The following DOCK5 variants were observed in gnomAD, a reference collection of about 807,000 sequenced individuals.
DOCK5 encodes dedicator of cytokinesis protein 5.
DOCK5 carries 142 observed loss-of-function variants against 251.8 expected under a neutral mutation model. That is an observed-to-expected ratio of 0.56 (90% confidence interval 0.49 to 0.65). The LOEUF (loss-of-function observed/expected upper bound fraction) is 0.65. DOCK5 is among the 30% of genes least tolerant of loss of function. The pLI is 0.00. For synonymous variants in DOCK5, 842 were observed against 835.5 expected (o/e 1.01, Z -0.13); for missense variants, 2,111 against 2,312.3 (o/e 0.91, Z 1.79).
chr8:25,243,274 A>G (rs889843904), intron 1 of DOCK5, among the ~76,000 whole-genome samples: 1 of 151,630 alleles, frequency 6.6e-6, no homozygotes, highest in South Asian at 2.1e-4. Context: ...GGCAATTCAC[A>G]TGAAATTATT....
At chr8:25,290,763 C>G (rs1229017109) in intron 5 of DOCK5, among the ~76,000 whole-genome samples, 1 of 152,202 alleles carries the variant, frequency 6.6e-6, no homozygotes, top group Non-Finnish European at 1.5e-5. Context: ...GGCCTACCAG[C>G]TAAGCAGGGA....
chr8:25,312,149 A>G (rs1805114877), intron 13 of DOCK5, among the ~76,000 whole-genome samples: 1 of 152,162 alleles, frequency 6.6e-6, no homozygotes, highest in Non-Finnish European at 1.5e-5. Context: ...TCCATTACAT[A>G]GCTATTTTAC....
intron 2 of DOCK5, among the ~76,000 whole-genome samples, chr8:25,251,490 A>T (rs1803267079): frequency 6.6e-6 from 1 of 152,184 alleles, no homozygotes; most frequent in Non-Finnish European, 1.5e-5. Flanking sequence ...TAGTTTTTGA[A>T]TGCACTTTAA....
chr8:25,198,159 G>A (rs914255838), intron 1 of DOCK5, among the ~76,000 whole-genome samples: 2 of 152,172 alleles, frequency 1.3e-5, no homozygotes, highest in East Asian at 3.9e-4. Flanking sequence ...GCACCCTCCT[G>A]ATGGGTTTGT....
chr8:25,270,183 T>C (rs1563332388), intron 3 of DOCK5, among the ~76,000 whole-genome samples: 1 of 152,228 alleles, frequency 6.6e-6, no homozygotes, highest in Admixed American at 6.5e-5. Context: ...GAATGAATTT[T>C]TCTACCCACA....
At chr8:25,202,242 T>C (rs1236899631) in intron 1 of DOCK5, among the ~76,000 whole-genome samples, 1 of 152,144 alleles carries the variant, frequency 6.6e-6, no homozygotes, top group Non-Finnish European at 1.5e-5. Flanking sequence ...GGTCTCGAAC[T>C]CCTGTCCTCA....
rs1803373686 is a variant in DOCK5 at position 25,254,799 on chromosome 8, A to AAAAAAC, written c.127+11047_127+11048insCAAAAA. ...AAAAAAAAACAAAACAAAACAAAAAAAAAAAACATTTGATAAAGGACTATT... is the reference window on the plus strand; with the variant it reads ...AAAAAAAAACAAAACAAAACAAAAAAAAAAACAAAAAACATTTGATAAAGGACTATT... On this transcript the variant is annotated intron_variant, in intron 2 of 51. Coordinates refer to ENST00000276440, the MANE Select transcript of DOCK5 (RefSeq NM_024940.8). 2.0e-5 allele frequency among the ~76,000 whole-genome samples: 3 copies of AAAAAAC among 147,820 alleles called. 1 individual carries two copies. The highest frequency in any genetic ancestry group is 5.0e-5 in the African/African-American group (2 of 40,250).
At chr8:25,401,831 C>T (rs1801444286) in intron 47 of DOCK5, among the ~76,000 whole-genome samples, 2 of 152,158 alleles carry the variant, frequency 1.3e-5, no homozygotes, top group African/African-American at 4.8e-5. Flanking sequence ...ACATTTTTTC[C>T]TAATCTTAGA....
chr8:25,392,945 T>C, intron 44 of DOCK5, 63 bp downstream of exon 44: 1 of 1,379,992 alleles, frequency 7.2e-7, no homozygotes, highest in Non-Finnish European at 1.0e-6. Context: ...ATAACAGCCT[T>C]TGTTGAATTC....
At chr8:25,275,464 T>A in intron 4 of DOCK5, 23 bp downstream of exon 4, 1 of 1,590,548 alleles carries the variant, frequency 6.3e-7, no homozygotes, top group South Asian at 1.1e-5. Context: ...CTAGGAAGAT[T>A]CCCCAAAAAT....
intron 2 of DOCK5, among the ~76,000 whole-genome samples, chr8:25,253,013 G>A (rs1290897403): frequency 2.0e-5 from 3 of 152,090 alleles, no homozygotes; most frequent in Admixed American, 6.5e-5. Context: ...TAGTAGAGAC[G>A]TGGTTTTGCC....
chr8:25,219,242 C>T (rs1376371737), intron 1 of DOCK5, among the ~76,000 whole-genome samples: 2 of 152,152 alleles, frequency 1.3e-5, no homozygotes, highest in Non-Finnish European at 2.9e-5. Flanking sequence ...TGACCCTGAG[C>T]CCTTCCTTGT....
chr8:25,407,592 C>T (rs1801543660), intron 48 of DOCK5, among the ~76,000 whole-genome samples: 1 of 152,060 alleles, frequency 6.6e-6, no homozygotes, highest in Admixed American at 6.6e-5. Flanking sequence ...GTTGAGGAGG[C>T]CGGGCATGGT....
intron 2 of DOCK5, among the ~76,000 whole-genome samples, chr8:25,249,382 T>C (rs1803207083): frequency 6.6e-6 from 1 of 152,180 alleles, no homozygotes; most frequent in Non-Finnish European, 1.5e-5. Context: ...ATTTAAAGTA[T>C]ACAATTCAAT....
chr8:25,408,300 G>C, intron 49 of DOCK5, 146 bp downstream of exon 49: 1 of 864,592 alleles, frequency 1.2e-6, no homozygotes, highest in South Asian at 1.9e-5. Context: ...TCAGGTCGCA[G>C]ATTGTGGTAA....
At chr8:25,397,832 C>T (rs753584863) in intron 45 of DOCK5, among the ~76,000 whole-genome samples, 2 of 151,546 alleles carry the variant, frequency 1.3e-5, no homozygotes, top group Non-Finnish European at 3.0e-5. Context: ...AGGATAAATA[C>T]ATACATACAT....
At chr8:25,189,489 A>T (rs910668600) in intron 1 of DOCK5, among the ~76,000 whole-genome samples, 4 of 151,904 alleles carry the variant, frequency 2.6e-5, no homozygotes, top group Non-Finnish European at 5.9e-5. Flanking sequence ...GCCCGCTGAG[A>T]GCTGAGAGCT....
intron 23 of DOCK5, among the ~76,000 whole-genome samples, chr8:25,341,340 C>T (rs1383486611): frequency 6.6e-6 from 1 of 152,016 alleles, no homozygotes; most frequent in Non-Finnish European, 1.5e-5. Flanking sequence ...TGCAAAGTCA[C>T]CATCTTTATT....
At chr8:25,237,580 A>G (rs564176038) in intron 1 of DOCK5, among the ~76,000 whole-genome samples, 1 of 152,214 alleles carries the variant, frequency 6.6e-6, no homozygotes, top group South Asian at 2.1e-4. Flanking sequence ...AATGCAAACT[A>G]TTTTGTCTTG....
Sources: allele counts gnomAD v4.1 joint callset (sites outside exome capture counted in the v4.1 genomes callset), GRCh38; gene constraint gnomAD v4.1.1; transcripts MANE v1.5; gene names NCBI Gene and HGNC (gene_info 2026-07-23, HGNC 2026-07-21).